The following ZFHX3 variants were observed in gnomAD, a reference collection of about 807,000 sequenced individuals.
The protein encoded by ZFHX3 is zinc finger homeobox protein 3.
A neutral mutation model predicts 279.1 loss-of-function variants in ZFHX3; 42 were observed. That is an observed-to-expected ratio of 0.15 (90% CI 0.12 to 0.19). The LOEUF (loss-of-function observed/expected upper bound fraction) is 0.19. Among genes scored for constraint, ZFHX3 ranks in the 10% least tolerant of loss-of-function variants. The probability of loss-of-function intolerance (pLI) is 1.00; values close to 1 mark genes in which losing one functional copy is unlikely to be tolerated. For missense variants in ZFHX3, 4,981 were observed against 4,754.0 expected (o/e 1.05, Z -1.40); for synonymous variants, 2,293 against 1,957.8 (o/e 1.17, Z -4.52).
intron 2 of ZFHX3, among the ~76,000 whole-genome samples, chr16:73,665,159 A>G (rs887675620): frequency 2.6e-5 from 4 of 152,070 alleles, no homozygotes; most frequent in Non-Finnish European, 5.9e-5. Flanking sequence ...GAAAGTGGTC[A>G]TAACAGGTGC....
At position 73,212,163 on chromosome 16, in the gene ZFHX3, GA is replaced by G. The variant is rs75708613; in HGVS notation, c.-1104+44883del. Among the ~76,000 whole-genome samples, 708 of 126,888 alleles carry G rather than the reference GA, an allele frequency of 5.6e-3. 8 individuals carry two copies. Among genetic ancestry groups the G allele is most frequent in the South Asian group, 3.2e-3 (13 of 4,030 alleles). 83.2% of individuals were successfully genotyped at this position (126,888 alleles called of 152,430 possible). ...TACAGAGAAAACAGATAAGCAAAAA[GA>G]AAAAAAAAAAAGCACCCATCCTAAT... On this transcript the variant is annotated intron_variant, in intron 5 of 17. Coordinates refer to the ZFHX3 transcript ENST00000641206.
chr16:73,220,885 G>C (rs567404409), intron 5 of ZFHX3, among the ~76,000 whole-genome samples: 5 of 152,066 alleles, frequency 3.3e-5, no homozygotes, highest in Non-Finnish European at 7.4e-5. Context: ...CCTTTTTGGT[G>C]GAGCACGGGC....
At chr16:73,215,603 T>A (rs2012175948) in intron 5 of ZFHX3, among the ~76,000 whole-genome samples, 1 of 152,154 alleles carries the variant, frequency 6.6e-6, no homozygotes, top group Admixed American at 6.5e-5. Context: ...CAATGGATTG[T>A]TTCCTTCTGT....
At chr16:72,972,629 G>A (rs1231950898) in intron 1 of ZFHX3, among the ~76,000 whole-genome samples, 4 of 152,124 alleles carry the variant, frequency 2.6e-5, no homozygotes, top group Non-Finnish European at 5.9e-5. Flanking sequence ...CCGGGAGGGT[G>A]GGAAGGCACT....
intron 4 of ZFHX3, among the ~76,000 whole-genome samples, chr16:73,273,019 T>G (rs1179503603): frequency 6.6e-6 from 1 of 152,108 alleles, no homozygotes; most frequent in African/African-American, 2.4e-5. Context: ...AGTGCTGAGA[T>G]AACATGTGTG....
intron 2 of ZFHX3, among the ~76,000 whole-genome samples, chr16:73,477,149 C>T (rs2143616222): frequency 6.6e-6 from 1 of 152,324 alleles, no homozygotes; most frequent in Non-Finnish European, 1.5e-5. Context: ...TGTAAGCCCA[C>T]CTGCTACAGA....
At chr16:72,832,179 A>G (rs2037076017) in intron 4 of ZFHX3, among the ~76,000 whole-genome samples, 1 of 152,202 alleles carries the variant, frequency 6.6e-6, no homozygotes. Context: ...AGCACATTAT[A>G]CAGCCTGCAG....
chr16:73,140,556 A>C (rs1365469807), intron 6 of ZFHX3, among the ~76,000 whole-genome samples: 1 of 152,032 alleles, frequency 6.6e-6, no homozygotes, highest in Non-Finnish European at 1.5e-5. Flanking sequence ...ACCTTTTCAT[A>C]CCTGAAACAA....
chr16:73,036,964 G>T (rs1048212656), intron 1 of ZFHX3, among the ~76,000 whole-genome samples: 2 of 152,162 alleles, frequency 1.3e-5, no homozygotes, highest in Non-Finnish European at 2.9e-5. Flanking sequence ...TGTGAGAGAA[G>T]TTATTTTTGT....
intron 3 of ZFHX3, among the ~76,000 whole-genome samples, chr16:73,429,876 G>A (rs967896745): frequency 1.3e-5 from 2 of 151,808 alleles, no homozygotes; most frequent in African/African-American, 2.4e-5. Flanking sequence ...ATTGATGAGA[G>A]CCTTCTCTTC....
chr16:73,422,522 T>C (rs955220026), intron 3 of ZFHX3, among the ~76,000 whole-genome samples: 10 of 152,140 alleles, frequency 6.6e-5, no homozygotes, highest in Non-Finnish European at 1.5e-4. Context: ...TAAAGAGACT[T>C]TTCCCCAAAT....
chr16:73,690,281 C>T (rs552823519), intron 1 of ZFHX3, among the ~76,000 whole-genome samples: 8 of 152,248 alleles, frequency 5.3e-5, no homozygotes, highest in East Asian at 1.9e-4. Context: ...CAGATCTGTT[C>T]GTATCTTAGC....
chr16:73,612,540 A>G (rs889082092), intron 2 of ZFHX3, among the ~76,000 whole-genome samples: 13 of 152,216 alleles, frequency 8.5e-5, no homozygotes, highest in African/African-American at 2.4e-4. Flanking sequence ...GTTGAATGAG[A>G]AGGAATGCTT....
intron 1 of ZFHX3, among the ~76,000 whole-genome samples, chr16:73,056,419 G>A (rs1308252108): frequency 6.6e-6 from 1 of 151,872 alleles, no homozygotes. Context: ...GATAAGAAGA[G>A]GGCCCCCCAA....
At chr16:72,816,715 C>T (rs2036616788) in intron 5 of ZFHX3, among the ~76,000 whole-genome samples, 2 of 152,170 alleles carry the variant, frequency 1.3e-5, no homozygotes, top group East Asian at 3.8e-4. Flanking sequence ...CCAACTAAAA[C>T]TCACAAAGAC....
rs1960564362 is a variant in ZFHX3 at position 73,816,114 on chromosome 16, C to T, written c.-1608+75537G>A. The T allele has an allele frequency of 2.6e-5, 4 of 152,164 alleles. No individual in the cohort carries two copies. In the South Asian group the frequency reaches 8.3e-4, roughly 32 times the overall value. 9.4% of individuals were successfully genotyped at this position (152,164 alleles called of 1,614,324 possible). A position where few individuals can be genotyped will look rare whatever the true frequency, so the allele number is the denominator to read the frequency against. On this transcript the variant is annotated intron_variant, in intron 1 of 17. Transcript: ENST00000641206. ...AACCAGCTAGCACAAAAATACCCCA[C>T]TATTTATGTTATGTATACATACATA... is the stretch of plus-strand genomic sequence containing the variant.
intron 2 of ZFHX3, among the ~76,000 whole-genome samples, chr16:73,541,705 C>T (rs2020014386): frequency 6.6e-6 from 1 of 150,378 alleles, no homozygotes; most frequent in Non-Finnish European, 1.5e-5. Flanking sequence ...GCTCGCGAGG[C>T]AAATACGGGA....
In ZFHX3 at chr16:73,047,752, C is replaced by G. The variant is rs985823575; in HGVS notation, c.-50G>C. ...GGACCCGGAGGGAGGCTGCACTCAC[C>G]TGGCACACCAAGCCTCCGCGCACCT... On this transcript the variant is annotated splice_region_variant and 5_prime_UTR_variant, in exon 1 of 10. Coordinates refer to ENST00000268489, the MANE Select transcript of ZFHX3 (RefSeq NM_006885.4). 1 of 152,282 alleles carries G rather than the reference C, an allele frequency of 6.6e-6. No individual in the cohort carries two copies. The highest frequency in any genetic ancestry group is 2.4e-5 in the African/African-American group (1 of 41,438). The allele number at this position is 152,282 out of a possible 1,614,324, so 9.4% of individuals were successfully genotyped here. A position where few individuals can be genotyped will look rare whatever the true frequency, so the allele number is the denominator to read the frequency against.
chr16:72,860,283 C>T (rs79910615), intron 4 of ZFHX3, among the ~76,000 whole-genome samples: 4,892 of 152,226 alleles, frequency 0.032, 136 homozygotes, highest in Middle Eastern at 0.082. Flanking sequence ...CATCAGGCCT[C>T]GGTGGAACGG....
Sources: gnomAD v4.1 joint callset for allele counts (sites outside exome capture counted in the v4.1 genomes callset) on GRCh38, gnomAD v4.1.1 for gene constraint, MANE v1.5 for transcripts, NCBI Gene and HGNC (gene_info 2026-07-23, HGNC 2026-07-21) for gene names.